NCAM2: variants seen among roughly 807,000 people sequenced by gnomAD.
The protein encoded by NCAM2 is N-CAM-2.
A neutral mutation model predicts 98.1 loss-of-function variants in NCAM2; 30 were observed. The observed-to-expected ratio is 0.31, with a 90% CI of 0.23 to 0.41. NCAM2 has a LOEUF of 0.41. Among genes scored for constraint, NCAM2 ranks in the 10% least tolerant of loss-of-function variants. The pLI, the probability that NCAM2 is intolerant of heterozygous loss-of-function variation, is 1.00. For synonymous variants in NCAM2, 368 were observed against 342.4 expected (o/e 1.07, Z -0.83); for missense variants, 867 against 1,005.8 (o/e 0.86, Z 1.87).
At chr21:21,196,272 G>A (rs1318082355) in intron 1 of NCAM2, among the ~76,000 whole-genome samples, 1 of 152,042 alleles carries the variant, frequency 6.6e-6, no homozygotes, top group Non-Finnish European at 1.5e-5. Context: ...GCCCTTCCTG[G>A]GTCAACCCAC....
chr21:21,332,849 A>G lies in NCAM2; in HGVS notation c.738-2656A>G, dbSNP rs180876632. Among the ~76,000 whole-genome samples, 59 of 152,298 alleles carry G rather than the reference A, an allele frequency of 3.9e-4. No homozygotes were observed. In the East Asian group the frequency reaches 8.7e-3, roughly 22 times the overall value. The stretch of plus-strand genomic sequence containing the variant: ...ACTGTCATATGCAACCAGTTGGCTA[A>G]TGTGTGAAAACTATTGTTTTATATG... On this transcript the variant is annotated intron_variant, in intron 6 of 17. Coordinates refer to ENST00000400546, the MANE Select transcript of NCAM2 (RefSeq NM_004540.5).
chr21:21,059,861 C>T lies in NCAM2; in HGVS notation c.55+61243C>T, dbSNP rs139245579. Reference sequence around the variant, plus strand: ...TATGCTACAGGGAAAGCACCTCCACCCTCAACGAAGTGCAAAATATTAATA... The same window carrying T: ...TATGCTACAGGGAAAGCACCTCCACTCTCAACGAAGTGCAAAATATTAATA... On this transcript the variant is annotated intron_variant, in intron 1 of 17. Transcript: ENST00000400546. Among the ~76,000 whole-genome samples, 29 of 152,122 alleles carry T rather than the reference C, an allele frequency of 1.9e-4. No homozygotes were observed. In the East Asian group the frequency reaches 5.2e-3, roughly 27 times the overall value.
chr21:21,289,356 T>C (rs2073209929), intron 4 of NCAM2, among the ~76,000 whole-genome samples: 1 of 151,792 alleles, frequency 6.6e-6, no homozygotes, highest in Non-Finnish European at 1.5e-5. Context: ...TAAATCAGTG[T>C]GAGAACAAGA....
chr21:21,488,519 G>A (rs750859821), intron 15 of NCAM2, among the ~76,000 whole-genome samples: 13 of 151,922 alleles, frequency 8.6e-5, no homozygotes, highest in Admixed American at 4.6e-4. Context: ...TATTTACCCT[G>A]ATAATGGAGA....
intron 14 of NCAM2, among the ~76,000 whole-genome samples, chr21:21,471,952 G>A (rs746797079): frequency 6.6e-6 from 1 of 151,936 alleles, no homozygotes; most frequent in Non-Finnish European, 1.5e-5. Context: ...CAATAAATCA[G>A]TAAGTTTAAA....
At chr21:21,327,293 C>A (rs1385007547) in intron 6 of NCAM2, among the ~76,000 whole-genome samples, 2 of 103,966 alleles carry the variant, frequency 1.9e-5, no homozygotes, top group Admixed American at 1.5e-4. Flanking sequence ...GGCAACAGAG[C>A]AAGACTCTGT....
At chr21:21,329,939 C>T (rs2074625739) in intron 6 of NCAM2, among the ~76,000 whole-genome samples, 1 of 152,028 alleles carries the variant, frequency 6.6e-6, no homozygotes, top group South Asian at 2.1e-4. Context: ...CTGGCATTGT[C>T]ATTCATAGTA....
chr21:21,403,453 A>G (rs2076673993), intron 9 of NCAM2, among the ~76,000 whole-genome samples: 1 of 152,142 alleles, frequency 6.6e-6, no homozygotes, highest in African/African-American at 2.4e-5. Context: ...GCAGATGGAA[A>G]ATCTTTAAGA....
chr21:21,307,204 T>C (rs1568914664), intron 5 of NCAM2, among the ~76,000 whole-genome samples: 1 of 152,120 alleles, frequency 6.6e-6, no homozygotes, highest in Admixed American at 6.6e-5. Flanking sequence ...TTTATTTTTC[T>C]TCTGTTTCTT....
intron 1 of NCAM2, among the ~76,000 whole-genome samples, chr21:21,269,421 G>A (rs774782050): frequency 9.2e-5 from 14 of 152,104 alleles, no homozygotes; most frequent in Non-Finnish European, 1.8e-4. Flanking sequence ...GTCCATGCAT[G>A]GCTTTTGAAT....
intron 15 of NCAM2, among the ~76,000 whole-genome samples, chr21:21,494,661 C>T (rs1987088188): frequency 6.6e-6 from 1 of 151,614 alleles, no homozygotes; most frequent in Admixed American, 6.6e-5. Flanking sequence ...TTAAAGAACA[C>T]AAAAGATATT....
At chr21:21,213,667 C>T (rs1187699305) in intron 1 of NCAM2, among the ~76,000 whole-genome samples, 1 of 152,120 alleles carries the variant, frequency 6.6e-6, no homozygotes, top group Non-Finnish European at 1.5e-5. Context: ...GAAACACATT[C>T]AGTTAGTATT....
intron 1 of NCAM2, among the ~76,000 whole-genome samples, chr21:21,193,551 A>G (rs921428162): frequency 2.1e-5 from 3 of 142,902 alleles, no homozygotes; most frequent in Middle Eastern, 3.6e-3. Flanking sequence ...GCTGGAGTGC[A>G]ATGGCGCGAT....
intron 1 of NCAM2, among the ~76,000 whole-genome samples, chr21:21,012,756 A>G (rs1711958976): frequency 1.3e-5 from 2 of 151,908 alleles, no homozygotes; most frequent in South Asian, 4.2e-4. Context: ...AAGCAAATCT[A>G]TCGGCCTCAT....
Position 21,126,236 on chromosome 21 carries a change from T to TAAA in NCAM2, c.55+127638_55+127640dup, listed in dbSNP as rs778070776. Among the ~76,000 whole-genome samples, 270 of 97,562 alleles carry TAAA rather than the reference T, an allele frequency of 2.8e-3. 29 individuals are homozygous for TAAA. The highest frequency in any genetic ancestry group is 9.6e-3 in the Middle Eastern group (1 of 104). The allele number at this position is 97,562 out of a possible 152,430, so 64.0% of individuals were successfully genotyped here. ...CCATTTCCGATACTATCATGGAACATAAAAAAAAAAAAAAAAAAAAAATCG... is the reference window on the plus strand; with the variant it reads ...CCATTTCCGATACTATCATGGAACATAAAAAAAAAAAAAAAAAAAAAAAAATCG... On this transcript the variant is annotated intron_variant, in intron 1 of 17. Coordinates refer to ENST00000400546, the MANE Select transcript of NCAM2 (RefSeq NM_004540.5).
rs73896610 is a variant in NCAM2, at chr21:21,218,249, C to T, written c.56-62329C>T. Reference sequence around the variant, plus strand: ...CAAGAGCTGTTCAAACAGTCCAGTGCGCAGTAAAGTTAAGTTACCAGATTC... The same window carrying T: ...CAAGAGCTGTTCAAACAGTCCAGTGTGCAGTAAAGTTAAGTTACCAGATTC... On this transcript the variant is annotated intron_variant, in intron 1 of 17. Transcript: ENST00000400546. Among the ~76,000 whole-genome samples the T allele has an allele frequency of 1.0e-2, 1,521 of 152,172 alleles. 23 individuals are homozygous for T. Among genetic ancestry groups the T allele is most frequent in the African/African-American group, 0.035 (1,460 of 41,508 alleles).
chr21:21,098,220 G>C (rs1039369269), intron 1 of NCAM2, among the ~76,000 whole-genome samples: 1 of 151,450 alleles, frequency 6.6e-6, no homozygotes, highest in Non-Finnish European at 1.5e-5. Context: ...GGGCTTTGAT[G>C]TTTCAGAAGT....
chr21:21,070,529 A>G (rs752490495), intron 1 of NCAM2, among the ~76,000 whole-genome samples: 3 of 152,102 alleles, frequency 2.0e-5, no homozygotes, highest in Non-Finnish European at 4.4e-5. Flanking sequence ...GAAGGCAAGA[A>G]AGTAAGGAAA....
At chr21:21,263,049 A>G (rs2071983117) in intron 1 of NCAM2, among the ~76,000 whole-genome samples, 1 of 152,068 alleles carries the variant, frequency 6.6e-6, no homozygotes, top group South Asian at 2.1e-4. Context: ...ACACAGCCAA[A>G]CCATATTATC....
Sources: gnomAD v4.1 joint callset for allele counts (sites outside exome capture counted in the v4.1 genomes callset) on GRCh38, gnomAD v4.1.1 for gene constraint, MANE v1.5 for transcripts, NCBI Gene and HGNC (gene_info 2026-07-23, HGNC 2026-07-21) for gene names.